Variants in DST observed in about 807,000 individuals in gnomAD.
DST encodes the protein bullous pemphigoid antigen.
A neutral mutation model predicts 875.2 loss-of-function variants in DST; 253 were observed. That is an observed-to-expected ratio of 0.29 (90% confidence interval 0.26 to 0.32). DST has a LOEUF of 0.32. Among genes scored for constraint, DST ranks in the 10% least tolerant of loss-of-function variants. The probability of loss-of-function intolerance (pLI) is 1.00; values close to 1 mark genes in which losing one functional copy is unlikely to be tolerated. For missense variants in DST, 8,287 were observed against 9,111.6 expected, an observed-to-expected ratio of 0.91 and a Z score of 3.68; for synonymous variants, 3,124 against 3,197.1, an observed-to-expected ratio of 0.98 and a Z score of 0.77.
chr6:56,458,461 T>G lies in DST; in HGVS notation c.*544A>C, dbSNP rs755891035. ...TGGCAGAGAAATGCTGCAAGGTACTTGAATATCATAGTACTGGCAAGTGCT... is the reference window on the plus strand; with the variant it reads ...TGGCAGAGAAATGCTGCAAGGTACTGGAATATCATAGTACTGGCAAGTGCT... On this transcript the variant is annotated 3_prime_UTR_variant, in exon 104 of 104. Transcript: ENST00000680361. 6 of 152,328 alleles carry G rather than the reference T, an allele frequency of 3.9e-5. No individual in the cohort carries two copies. The highest frequency in any genetic ancestry group is 7.3e-5 in the Non-Finnish European group (5 of 68,102). The allele number at this position is 152,328 out of a possible 1,614,324, so 9.4% of individuals were successfully genotyped here. A position where few individuals can be genotyped will look rare whatever the true frequency, so the allele number is the denominator to read the frequency against.
At chr6:56,534,432 G>T (rs184795574) in intron 63 of DST, among the ~76,000 whole-genome samples, 3 of 152,142 alleles carry the variant, frequency 2.0e-5, no homozygotes, top group African/African-American at 4.8e-5. Flanking sequence ...CTATCATGTG[G>T]TCAGTCTCAG....
At chr6:56,628,314 G>T (rs1451446940) in intron 32 of DST, among the ~76,000 whole-genome samples, 153 bp from the exon 33 acceptor site, 1 of 152,130 alleles carries the variant, frequency 6.6e-6, no homozygotes, top group Non-Finnish European at 1.5e-5. Flanking sequence ...GCACCCTGAG[G>T]CACACCCCCA....
chr6:56,607,027 T>G lies in DST; in HGVS notation c.7601A>C (p.Asp2534Ala). The change falls in exon 40 of 104, where the codon GAT becomes GCT. Residue 2534 changes from aspartate to alanine, a missense_variant. Transcript: ENST00000680361. ...DKYISNTSGE[D>A]EKTHPGFQQM... ...CTGAAAACCTGGATGTGTTTTTTCA[T>G]CCTCACCAGAAGTATTTGAAATGTA... 1 of 1,613,448 alleles carries G rather than the reference T, an allele frequency of 6.2e-7. No individual in the cohort carries two copies.
chr6:56,651,186 G>T lies in DST; in HGVS notation c.1273C>A (p.His425Asn), dbSNP rs757373509. ...ATTTTTTCTGCTACGTAAAAAGCAT[G>T]CTCTAAATTTGCAAGGTTGCTTTGA... Reference protein sequence around the residue: ...AVQSNLANLEHAFYVAEKIGV... With the variant: ...AVQSNLANLENAFYVAEKIGV... The change falls in exon 11 of 104, where the codon CAT becomes AAT. Residue 425 changes from histidine (H) to asparagine (N), a missense_variant. Physicochemically the swap from His to Asn is moderately conservative, Grantham distance 68. Transcript: ENST00000680361. 35 of 1,612,418 alleles carry T rather than the reference G, an allele frequency of 2.2e-5. No individual in the cohort carries two copies. Among genetic ancestry groups the T allele is most frequent in the Non-Finnish European group, 2.8e-5 (33 of 1,179,270 alleles).
chr6:56,653,623 T>C (rs747926837), intron 10 of DST, among the ~76,000 whole-genome samples: 1 of 152,102 alleles, frequency 6.6e-6, no homozygotes, highest in Non-Finnish European at 1.5e-5. Context: ...AGGCAGAGGT[T>C]GCAGTGAGCC....
intron 3 of DST, among the ~76,000 whole-genome samples, chr6:56,862,524 T>C (rs1456461361): frequency 6.6e-6 from 1 of 152,078 alleles, no homozygotes; most frequent in Non-Finnish European, 1.5e-5. Flanking sequence ...AGGGCTTGCA[T>C]GTGACACTGG....
rs770419341 is a variant in DST, at chr6:56,553,266, C to G, written c.15526G>C (p.Glu5176Gln). 1.7e-5 allele frequency: 28 copies of G among 1,613,612 alleles called. No homozygotes were observed. The highest frequency in any genetic ancestry group is 3.3e-4 in the Middle Eastern group (2 of 6,084). ...EKALKYKEQV[E>Q]TLWPWIDKCQ... ...TTGTCTATCCATGGCCAGAGAGTCTCTACTTGCTCTTTATACTTAAGGGCT... is the reference window on the plus strand; with the variant it reads ...TTGTCTATCCATGGCCAGAGAGTCTGTACTTGCTCTTTATACTTAAGGGCT... The change falls in exon 61 of 104, where the codon GAG becomes CAG. Residue 5176 changes from glutamate to glutamine, a missense_variant. Physicochemically the swap from Glu to Gln is conservative, Grantham distance 29 (BLOSUM62 2). Around this residue, in one of 10 missense-constraint regions of DST, gnomAD observed 1,513 missense variants for 1,677.8 expected, o/e 0.90. Transcript: ENST00000680361.
intron 4 of DST, among the ~76,000 whole-genome samples, chr6:56,845,819 T>C (rs556627397): frequency 6.6e-6 from 1 of 152,338 alleles, no homozygotes; most frequent in Non-Finnish European, 1.5e-5. Flanking sequence ...TAATCATCCA[T>C]TTAAGGAACC....
intron 4 of DST, among the ~76,000 whole-genome samples, chr6:56,844,991 TAGTGCCTAACTCATAAA>T (rs990096671): frequency 2.6e-5 from 4 of 152,220 alleles, no homozygotes; most frequent in African/African-American, 9.6e-5. Context: ...ACAGCGATAG[TAGTGCCTAACTCATAAA>T]GTTGTATAGT....
intron 4 of DST, among the ~76,000 whole-genome samples, chr6:56,788,898 C>T (rs1192368399): frequency 6.6e-6 from 1 of 152,182 alleles, no homozygotes; most frequent in Non-Finnish European, 1.5e-5. Context: ...CACATGCTTC[C>T]TTATAATTCC....
At chr6:56,485,621 A>G in intron 87 of DST, 150 bp from the exon 88 acceptor site, 3 of 788,574 alleles carry the variant, frequency 3.8e-6, no homozygotes, top group Non-Finnish European at 5.9e-6. Context: ...TCTTCTTAGG[A>G]AAAAGACAAA....
At chr6:56,486,242 G>A (rs960699901) in intron 87 of DST, among the ~76,000 whole-genome samples, 2 of 151,486 alleles carry the variant, frequency 1.3e-5, no homozygotes, top group African/African-American at 2.4e-5. Context: ...GGACGCCTGT[G>A]GTCCCAGCTG....
chr6:56,511,437 T>C (rs772115192), intron 72 of DST, 37 bp from the exon 73 acceptor site: 48 of 1,538,074 alleles, frequency 3.1e-5, no homozygotes, highest in South Asian at 2.6e-4. Context: ...TATCTCAGGG[T>C]CACACCTCCA....
intron 4 of DST, chr6:56,843,316 C>A: frequency 8.2e-7 from 1 of 1,224,460 alleles, no homozygotes; most frequent in Non-Finnish European, 1.0e-6. Context: ...AGGGGGCTGC[C>A]GGCGCCAGGG....
At chr6:56,835,875 C>T (rs2099793002) in intron 4 of DST, among the ~76,000 whole-genome samples, 1 of 152,200 alleles carries the variant, frequency 6.6e-6, no homozygotes, top group African/African-American at 2.4e-5. Context: ...TGTCAACGCT[C>T]TTTGACAATT....
At chr6:56,926,353 C>T (rs78060295) in intron 2 of DST, among the ~76,000 whole-genome samples, 1 of 152,276 alleles carries the variant, frequency 6.6e-6, no homozygotes, top group South Asian at 2.1e-4. Context: ...ATGGAATGCA[C>T]CCTCAGCAGC....
Position 56,526,583 on chromosome 6 carries a change from T to C in DST, c.17923-16A>G. On this transcript the variant is annotated splice_polypyrimidine_tract_variant and intron_variant, in intron 68 of 103. Transcript: ENST00000680361. ...TTTTCAGTTCCTGAAAACATACAAA[T>C]AAGTTAGTAACACTTAAGAGCTTCA... 2 of 1,610,734 alleles carry C rather than the reference T, an allele frequency of 1.2e-6. No individual in the cohort carries two copies. The highest frequency in any genetic ancestry group is 1.1e-5 in the South Asian group (1 of 90,790).
chr6:56,718,530 T>C (rs953132539), intron 5 of DST, among the ~76,000 whole-genome samples: 9 of 152,218 alleles, frequency 5.9e-5, no homozygotes, highest in African/African-American at 2.2e-4. Context: ...AGATCTACCA[T>C]ATGACCCAAC....
At chr6:56,565,155 C>A (rs539090149) in intron 55 of DST, among the ~76,000 whole-genome samples, 28 of 133,878 alleles carry the variant, frequency 2.1e-4, no homozygotes, top group Middle Eastern at 9.3e-3. Flanking sequence ...GAGTATTGCT[C>A]TGTCACCCAG....
Sources: gnomAD v4.1 joint callset for allele counts (sites outside exome capture counted in the v4.1 genomes callset) on GRCh38, gnomAD v4.1.1 for gene constraint, gnomAD v4.1.1 regional missense constraint, MANE v1.5 for transcripts, NCBI Gene and HGNC (gene_info 2026-07-23, HGNC 2026-07-21) for gene names.